The following VPS13B variants were observed in gnomAD, a reference collection of about 807,000 sequenced individuals.
VPS13B encodes vacuolar protein sorting 13 homolog B.
VPS13B carries 285 observed loss-of-function variants against 426.4 expected under a neutral mutation model. That is an observed-to-expected ratio of 0.67 (90% CI 0.61 to 0.74). VPS13B has a LOEUF of 0.74. VPS13B is among the 30% of genes least tolerant of loss of function. The pLI, the probability that VPS13B is intolerant of heterozygous loss-of-function variation, is 0.00. For missense variants in VPS13B, 4,537 were observed against 4,782.6 expected (o/e 0.95, Z 1.51); for synonymous variants, 1,676 against 1,676.4 (o/e 1.00, Z 0.01).
At chr8:99,460,263 C>A (rs3103702) in intron 23 of VPS13B, among the ~76,000 whole-genome samples, 5 of 151,762 alleles carry the variant, frequency 3.3e-5, no homozygotes, top group African/African-American at 1.2e-4. Flanking sequence ...TGTATATTTT[C>A]AATGGTGGCT....
chr8:99,149,005 A>G (rs1489931907), intron 14 of VPS13B, among the ~76,000 whole-genome samples: 1 of 152,232 alleles, frequency 6.6e-6, no homozygotes. Flanking sequence ...AGCTCCTCAC[A>G]AGACCACATA....
At chr8:99,581,285 T>C (rs1227001287) in intron 33 of VPS13B, among the ~76,000 whole-genome samples, 1 of 152,020 alleles carries the variant, frequency 6.6e-6, no homozygotes, top group Non-Finnish European at 1.5e-5. Flanking sequence ...AAACTAGAAG[T>C]GAAAACCGTA....
At chr8:99,767,668 G>C (rs550815852) in intron 40 of VPS13B, among the ~76,000 whole-genome samples, 2 of 152,122 alleles carry the variant, frequency 1.3e-5, no homozygotes, top group East Asian at 3.9e-4. Context: ...GTGGCTCGCA[G>C]TTGTAATCCC....
intron 20 of VPS13B, 94 bp downstream of exon 20, chr8:99,384,411 C>T: frequency 2.9e-6 from 3 of 1,028,182 alleles, no homozygotes; most frequent in South Asian, 1.4e-5. Context: ...TCTTTTTTAA[C>T]AAATGTACTA....
chr8:99,741,293 A>G (rs950353558), intron 39 of VPS13B, among the ~76,000 whole-genome samples: 7 of 152,196 alleles, frequency 4.6e-5, no homozygotes, highest in Non-Finnish European at 1.0e-4. Context: ...ATATATATGC[A>G]CCCAATACAG....
chr8:99,807,037 T>G (rs558814568), intron 43 of VPS13B, among the ~76,000 whole-genome samples: 1 of 152,212 alleles, frequency 6.6e-6, no homozygotes, highest in Admixed American at 6.5e-5. Flanking sequence ...TATTTAGATG[T>G]TTTTTAACAG....
At chr8:99,328,331 A>T (rs1810386963) in intron 19 of VPS13B, among the ~76,000 whole-genome samples, 2 of 152,188 alleles carry the variant, frequency 1.3e-5, no homozygotes, top group Non-Finnish European at 2.9e-5. Context: ...GATAGAAAGG[A>T]TTTATTATAA....
intron 2 of VPS13B, among the ~76,000 whole-genome samples, chr8:99,015,845 G>T (rs1413920027): frequency 6.6e-6 from 1 of 152,132 alleles, no homozygotes; most frequent in East Asian, 1.9e-4. Flanking sequence ...GGAGGTTGCA[G>T]TGAGCCGAGA....
At chr8:99,178,698 T>C (rs1261245549) in intron 16 of VPS13B, among the ~76,000 whole-genome samples, 1 of 152,078 alleles carries the variant, frequency 6.6e-6, no homozygotes, top group African/African-American at 2.4e-5. Context: ...CTCGACTCAC[T>C]GCAACCTCTA....
chr8:99,656,012 C>T (rs1315681899), intron 34 of VPS13B, among the ~76,000 whole-genome samples: 2 of 152,180 alleles, frequency 1.3e-5, no homozygotes, highest in African/African-American at 4.8e-5. Flanking sequence ...CAGTCTTAAT[C>T]AAGTCTTCAT....
chr8:99,409,008 C>G (rs543277045), intron 21 of VPS13B, among the ~76,000 whole-genome samples: 62 of 152,264 alleles, frequency 4.1e-4, no homozygotes, highest in African/African-American at 1.4e-3. Context: ...AGTGACTCAA[C>G]ATAGCAGAAT....
intron 34 of VPS13B, among the ~76,000 whole-genome samples, chr8:99,646,407 C>A (rs971100239): frequency 1.3e-5 from 2 of 152,164 alleles, no homozygotes; most frequent in Admixed American, 1.3e-4. Context: ...CACCTGTAGT[C>A]TGAGCTATTG....
Position 99,156,583 on chromosome 8 carries a change from A to T in VPS13B, c.2048A>T (p.Gln683Leu), listed in dbSNP as rs372585253. 2.2e-5 allele frequency: 36 copies of T among 1,614,096 alleles called. No homozygotes were observed. In the African/African-American group the frequency reaches 4.4e-4, roughly 20 times the overall value. ...SSNFMNTTNF[Q>L]SLRPLPSIRI... ...AACTTCATGAATACTACAAACTTCC[A>T]GTCTCTTCGGCCTTTGCCATCCATT... Residue 683 changes from glutamine (Q) to leucine (L), a missense_variant, in exon 15 of 62, where the codon CAG (glutamine) becomes CTG (leucine). Gln to Leu is a moderately radical substitution (Grantham distance 113). Transcript: ENST00000357162.
At chr8:99,137,409 G>A (rs1387065276) in intron 12 of VPS13B, among the ~76,000 whole-genome samples, 1 of 151,814 alleles carries the variant, frequency 6.6e-6, no homozygotes, top group East Asian at 1.9e-4. Context: ...AGGTACAGAT[G>A]AATGCAATGA....
Position 99,221,623 on chromosome 8 carries a change from G to A in VPS13B, c.2515+28566G>A, listed in dbSNP as rs576333987. On this transcript the variant is annotated intron_variant, in intron 17 of 61. Transcript: ENST00000357162. Reference sequence around the variant, plus strand: ...CTTTTAGCTAATACTTTTCAGTCGCGGACACACCGTGTTCTCAGAGTTTTA... The same window carrying A: ...CTTTTAGCTAATACTTTTCAGTCGCAGACACACCGTGTTCTCAGAGTTTTA... 1.5e-4 allele frequency among the ~76,000 whole-genome samples: 23 copies of A among 152,034 alleles called. No homozygotes were observed. In the South Asian group the frequency reaches 4.4e-3, roughly 29 times the overall value.
chr8:99,706,298 A>G (rs1259058584), intron 36 of VPS13B, among the ~76,000 whole-genome samples: 2 of 152,150 alleles, frequency 1.3e-5, no homozygotes, highest in African/African-American at 4.8e-5. Flanking sequence ...GCTGAATGCA[A>G]GAGAGACATT....
chr8:99,839,093 G>C (rs1205835291), intron 54 of VPS13B, among the ~76,000 whole-genome samples: 1 of 152,212 alleles, frequency 6.6e-6, no homozygotes, highest in African/African-American at 2.4e-5. Context: ...TACTTGCTGA[G>C]CCACTGAACT....
chr8:99,778,229 C>T (rs1337348220), intron 41 of VPS13B, among the ~76,000 whole-genome samples: 1 of 133,840 alleles, frequency 7.5e-6, no homozygotes, highest in East Asian at 2.2e-4. Context: ...AAGACTCCAT[C>T]TCAAAAAAAA....
intron 36 of VPS13B, among the ~76,000 whole-genome samples, chr8:99,709,470 T>TTTGTTCC (rs1832625893): frequency 6.6e-6 from 1 of 152,194 alleles, no homozygotes; most frequent in Non-Finnish European, 1.5e-5. Flanking sequence ...TTGAAGTAAA[T>TTTGTTCC]TTTTATACTC....
Sources: allele counts gnomAD v4.1 joint callset (sites outside exome capture counted in the v4.1 genomes callset), GRCh38; gene constraint gnomAD v4.1.1; transcripts MANE v1.5; gene names NCBI Gene and HGNC (gene_info 2026-07-23, HGNC 2026-07-21).